Variants in PRTG observed in about 807,000 individuals in gnomAD.
The protein encoded by PRTG is immunoglobulin superfamily, DCC subclass, member 5.
Under a neutral mutation model 122.5 loss-of-function variants are expected in PRTG, and 67 were observed. The observed-to-expected ratio is 0.55, with a 90% CI of 0.45 to 0.67. The LOEUF is 0.67. Ranked by LOEUF, PRTG falls within the 30% of genes least tolerant of loss-of-function variation. The pLI is 0.00. For missense variants in PRTG, 1,435 were observed against 1,415.4 expected (o/e 1.01, Z -0.22); for synonymous variants, 554 against 501.1 (o/e 1.11, Z -1.41).
In PRTG at chr15:55,679,917, T is replaced by C. The variant is rs1020627313; in HGVS notation, c.973+137A>G. Reference sequence around the variant, plus strand: ...ATATTTTAACATAAATATTTGTTTTTTCCTGAAATTCATCATTTGATTACA... The same window carrying C: ...ATATTTTAACATAAATATTTGTTTTCTCCTGAAATTCATCATTTGATTACA... On this transcript the variant is annotated intron_variant, in intron 6 of 19. Coordinates refer to ENST00000389286, the MANE Select transcript of PRTG (RefSeq NM_173814.6). The C allele has an allele frequency of 4.4e-6, 3 of 685,830 alleles. No homozygotes were observed. In the African/African-American group the frequency reaches 5.4e-5, roughly 12 times the overall value. 42.5% of individuals were successfully genotyped at this position (685,830 alleles called of 1,614,324 possible).
At chr15:55,669,982 C>T (rs1181643237) in intron 11 of PRTG, among the ~76,000 whole-genome samples, 1 of 152,034 alleles carries the variant, frequency 6.6e-6, no homozygotes, top group African/African-American at 2.4e-5. Flanking sequence ...GATTTTACAA[C>T]ATAAAAACAA....
chr15:55,697,329 G>C (rs541897958), intron 2 of PRTG, among the ~76,000 whole-genome samples: 54 of 152,264 alleles, frequency 3.5e-4, no homozygotes, highest in Middle Eastern at 3.4e-3. Flanking sequence ...CTAACAGCCA[G>C]AACAGTGCCC....
At position 55,624,329 on chromosome 15, in the gene PRTG, C is replaced by T. The variant is rs1212833838; in HGVS notation, c.3093+13G>A. 9.3e-6 allele frequency: 15 copies of T among 1,610,478 alleles called. No homozygotes were observed. Among genetic ancestry groups the T allele is most frequent in the South Asian group, 7.8e-5 (7 of 90,266 alleles). Reference sequence around the variant, plus strand: ...GAAGAACGGCTTATGCAGCAAATCCCGCAGCTCAGTACCTTTGCATCAATG... The same window carrying T: ...GAAGAACGGCTTATGCAGCAAATCCTGCAGCTCAGTACCTTTGCATCAATG... On this transcript the variant is annotated intron_variant, in intron 18 of 19. Transcript: ENST00000389286.
intron 2 of PRTG, among the ~76,000 whole-genome samples, chr15:55,694,635 GCT>G (rs1012676220): frequency 1.5e-4 from 23 of 152,232 alleles, no homozygotes; most frequent in African/African-American, 5.3e-4. Flanking sequence ...GCAAGTATTT[GCT>G]TTTTCAATTT....
intron 2 of PRTG, among the ~76,000 whole-genome samples, chr15:55,735,828 A>G (rs2031393924): frequency 6.6e-6 from 1 of 151,984 alleles, no homozygotes; most frequent in Non-Finnish European, 1.5e-5. Context: ...AAAGTGAGAA[A>G]AACTGGTTCC....
chr15:55,648,619 T>C (rs144565302), intron 11 of PRTG, among the ~76,000 whole-genome samples: 1 of 152,166 alleles, frequency 6.6e-6, no homozygotes, highest in Non-Finnish European at 1.5e-5. Context: ...TTGGGAGATA[T>C]TCAGAAAACA....
intron 11 of PRTG, among the ~76,000 whole-genome samples, chr15:55,658,511 C>T (rs4774799): frequency 0.78 from 118,186 of 151,910 alleles, 46,699 homozygotes; most frequent in Non-Finnish European, 0.85. Context: ...AGAGATGGGG[C>T]TTCACTATGT....
rs372155871 is a variant in PRTG at position 55,645,226 on chromosome 15, G to C, written c.2042-4018C>G. On this transcript the variant is annotated intron_variant, in intron 11 of 19. Transcript: ENST00000389286. ...CGAGACGGGCGGATCACGAGGTCAG[G>C]AGATCGAGACCATCCTGGCTAACAC... 8.2e-4 allele frequency among the ~76,000 whole-genome samples: 124 copies of C among 151,048 alleles called. No individual in the cohort carries two copies. In the East Asian group the frequency reaches 0.018, roughly 22 times the overall value.
intron 2 of PRTG, among the ~76,000 whole-genome samples, chr15:55,716,652 C>T (rs1022175980): frequency 2.6e-5 from 4 of 152,170 alleles, no homozygotes; most frequent in African/African-American, 9.7e-5. Context: ...AAAATTACTT[C>T]TCTACCTTTT....
At chr15:55,645,161 C>T (rs1243932220) in intron 11 of PRTG, among the ~76,000 whole-genome samples, 2 of 151,780 alleles carry the variant, frequency 1.3e-5, no homozygotes, top group Non-Finnish European at 2.9e-5. Flanking sequence ...AGGGGCCGGG[C>T]GCGGTGGCTC....
At chr15:55,724,204 G>A (rs1489433450) in intron 2 of PRTG, among the ~76,000 whole-genome samples, 2 of 152,084 alleles carry the variant, frequency 1.3e-5, no homozygotes, top group Admixed American at 6.6e-5. Flanking sequence ...TTGCTTATAT[G>A]TCTGTTCGAT....
intron 19 of PRTG, 37 bp from the exon 20 acceptor site, chr15:55,620,303 G>A: frequency 6.2e-7 from 1 of 1,602,424 alleles, no homozygotes; most frequent in Admixed American, 1.7e-5. Flanking sequence ...TGAGATACCA[G>A]ACTGATCGAA....
chr15:55,629,369 ATATATATG>A (rs1179304834), intron 15 of PRTG, among the ~76,000 whole-genome samples: 20 of 34,386 alleles, frequency 5.8e-4, no homozygotes, highest in East Asian at 0.015. Context: ...GTATATATAT[ATATATATG>A]TGTGTGTGTG....
intron 10 of PRTG, among the ~76,000 whole-genome samples, chr15:55,673,070 A>G (rs2059481914): frequency 6.6e-6 from 1 of 152,318 alleles, no homozygotes; most frequent in African/African-American, 2.4e-5. Context: ...ATATATGGCA[A>G]TAATATTAAT....
Position 55,620,022 on chromosome 15 carries a change from G to C in PRTG, c.3443C>G (p.Pro1148Arg), listed in dbSNP as rs756115141. Residue 1148 changes from proline (P) to arginine (R), a missense_variant, in exon 20 of 20, where the codon CCC (proline) becomes CGC (arginine). Pro to Arg is a moderately radical substitution (Grantham distance 103). Transcript: ENST00000389286. ...CTGCCAGTGAAAGAATCAGAGGTTGGGGGGTGTGGTACTTATAACTGAGGA... is the reference window on the plus strand; with the variant it reads ...CTGCCAGTGAAAGAATCAGAGGTTGCGGGGTGTGGTACTTATAACTGAGGA... ...HLSSVISTTP[P>R]NL 2.4e-5 allele frequency: 38 copies of C among 1,613,916 alleles called. No individual in the cohort carries two copies. Among genetic ancestry groups the C allele is most frequent in the Non-Finnish European group, 3.1e-5 (37 of 1,179,982 alleles).
chr15:55,624,411 C>T lies in PRTG; in HGVS notation c.3024G>A (p.Leu1008=), dbSNP rs1194203090. ...LASGNEVGKN[L]EGAVGNEESL... is the part of the protein sequence containing the mutation. ...ATTCTTCATTTCCTACAGCTCCTTC[C>T]AGGTTCTTTCCTACCTCATTTCCAC... Residue 1008 remains leucine (L), a synonymous_variant, in exon 18 of 20, where the codon CTG becomes CTA. Coordinates refer to ENST00000389286, the MANE Select transcript of PRTG (RefSeq NM_173814.6). The T allele has an allele frequency of 1.9e-5, 31 of 1,613,896 alleles. No homozygotes were observed. Among genetic ancestry groups the T allele is most frequent in the Non-Finnish European group, 2.5e-5 (29 of 1,179,948 alleles).
At chr15:55,705,854 CTTTTT>C (rs33973404) in intron 2 of PRTG, among the ~76,000 whole-genome samples, 14 of 125,426 alleles carry the variant, frequency 1.1e-4, no homozygotes, top group Admixed American at 1.1e-3. Flanking sequence ...ACTTGCTATT[CTTTTT>C]TTTTTTTTTT....
Position 55,620,657 on chromosome 15 carries a change from G to C in PRTG, c.3198+6C>G. The C allele has an allele frequency of 6.3e-7, 1 of 1,577,666 alleles. No homozygotes were observed. The highest frequency in any genetic ancestry group is 8.5e-7 in the Non-Finnish European group (1 of 1,170,166). Reference sequence around the variant, plus strand: ...GCCAAAAATTTTTCTCATTTAGATAGGTTACCTGCTCAACTTGTATCTTCT... The same window carrying C: ...GCCAAAAATTTTTCTCATTTAGATACGTTACCTGCTCAACTTGTATCTTCT... On this transcript the variant is annotated splice_donor_region_variant and intron_variant, in intron 19 of 19. Coordinates refer to ENST00000389286, the MANE Select transcript of PRTG (RefSeq NM_173814.6).
chr15:55,633,906 T>G (rs1350972069), intron 15 of PRTG, among the ~76,000 whole-genome samples: 1 of 152,202 alleles, frequency 6.6e-6, no homozygotes, highest in African/African-American at 2.4e-5. Flanking sequence ...TCCTGTGCAC[T>G]ATTATATAGC....
Sources: allele counts gnomAD v4.1 joint callset (sites outside exome capture counted in the v4.1 genomes callset), GRCh38; gene constraint gnomAD v4.1.1; transcripts MANE v1.5; gene names NCBI Gene and HGNC (gene_info 2026-07-23, HGNC 2026-07-21).